Variants in GOLPH3 observed in about 807,000 individuals in gnomAD.
GOLPH3 encodes coat protein GPP34.
A neutral mutation model predicts 28.5 loss-of-function variants in GOLPH3; 14 were observed. The ratio of observed to expected loss-of-function variants is 0.49; its 90% CI spans 0.32 to 0.77. GOLPH3 has a LOEUF of 0.77. Among genes scored for constraint, GOLPH3 ranks in the 30% least tolerant of loss-of-function variants. GOLPH3 has a pLI of 0.03. For missense variants in GOLPH3, 350 were observed against 393.7 expected, an observed-to-expected ratio of 0.89 and a Z score of 0.94; for synonymous variants, 158 against 159.2, an observed-to-expected ratio of 0.99 and a Z score of 0.06.
At chr5:32,135,045 G>C (rs572622982) in intron 3 of GOLPH3, among the ~76,000 whole-genome samples, 43 of 152,314 alleles carry the variant, frequency 2.8e-4, no homozygotes, top group South Asian at 1.5e-3. Context: ...GAGATTGTGT[G>C]ATTTGCTCTG....
chr5:32,173,617 G>A (rs1186994714), intron 1 of GOLPH3, 193 bp downstream of exon 1: 2 of 391,316 alleles, frequency 5.1e-6, no homozygotes, highest in Non-Finnish European at 8.9e-6. Context: ...GATCCAGAAA[G>A]CACCAGCCGC....
chr5:32,129,714 G>A (rs1745781722), intron 3 of GOLPH3, among the ~76,000 whole-genome samples: 1 of 152,136 alleles, frequency 6.6e-6, no homozygotes, highest in South Asian at 2.1e-4. Context: ...AAATCCAGCA[G>A]GATTCACCAC....
At chr5:32,129,881 G>T (rs1347787108) in intron 3 of GOLPH3, among the ~76,000 whole-genome samples, 2 of 150,854 alleles carry the variant, frequency 1.3e-5, no homozygotes, top group African/African-American at 2.4e-5. Flanking sequence ...TCACTCTGTC[G>T]CCCAGGCTGG....
In GOLPH3 at chr5:32,126,638, T is replaced by TA. The variant is rs745449829; in HGVS notation, c.473-3dup. ...ATTTTAATGGATTCCATGTCTCACC[T>TA]AAACAAAAGATTTCAGAAGTTAGAA... On this transcript the variant is annotated splice_polypyrimidine_tract_variant and splice_region_variant and intron_variant, in intron 3 of 3. Transcript: ENST00000265070. The TA allele has an allele frequency of 1.2e-5, 20 of 1,603,726 alleles. No homozygotes were observed. In the African/African-American group the frequency reaches 1.9e-4, roughly 15 times the overall value.
chr5:32,131,607 C>A (rs1262194154), intron 3 of GOLPH3, among the ~76,000 whole-genome samples: 2 of 152,182 alleles, frequency 1.3e-5, no homozygotes, highest in African/African-American at 4.8e-5. Context: ...AATTATTCAC[C>A]ATATATGTGA....
chr5:32,161,259 C>T (rs911207145), intron 1 of GOLPH3, among the ~76,000 whole-genome samples: 6 of 150,246 alleles, frequency 4.0e-5, no homozygotes, highest in South Asian at 4.2e-4. Context: ...AAAAAGTAGC[C>T]AGGTATAGTG....
chr5:32,142,131 C>G (rs1325433951), intron 2 of GOLPH3, among the ~76,000 whole-genome samples: 2 of 151,156 alleles, frequency 1.3e-5, no homozygotes, highest in Non-Finnish European at 3.0e-5. Flanking sequence ...GCGTCTCTGC[C>G]CGGCCGCCAT....
intron 1 of GOLPH3, among the ~76,000 whole-genome samples, chr5:32,161,272 G>A (rs979257531): frequency 2.7e-5 from 4 of 149,982 alleles, no homozygotes; most frequent in South Asian, 4.2e-4. Flanking sequence ...GTATAGTGGC[G>A]CACGCCTGTA....
At chr5:32,131,912 T>C (rs1333209108) in intron 3 of GOLPH3, among the ~76,000 whole-genome samples, 1 of 152,208 alleles carries the variant, frequency 6.6e-6, no homozygotes, top group Non-Finnish European at 1.5e-5. Context: ...TGATCAACCA[T>C]GCCTTAAGAT....
intron 2 of GOLPH3, among the ~76,000 whole-genome samples, chr5:32,138,280 T>C (rs956309131): frequency 2.6e-5 from 4 of 152,146 alleles, no homozygotes; most frequent in African/African-American, 9.7e-5. Context: ...GTCAATCTTA[T>C]AAAAAATTAA....
At chr5:32,142,029 G>A (rs1214195398) in intron 2 of GOLPH3, among the ~76,000 whole-genome samples, 7 of 152,016 alleles carry the variant, frequency 4.6e-5, no homozygotes, top group South Asian at 2.1e-4. Flanking sequence ...CCGCCACCCC[G>A]TCTGGGAAGT....
chr5:32,127,040 T>C (rs979318028), intron 3 of GOLPH3, among the ~76,000 whole-genome samples: 7 of 152,204 alleles, frequency 4.6e-5, no homozygotes, highest in African/African-American at 1.7e-4. Flanking sequence ...CTGATTAATA[T>C]GTTATTCCTG....
chr5:32,169,018 A>G (rs370908494), intron 1 of GOLPH3, among the ~76,000 whole-genome samples: 13 of 152,112 alleles, frequency 8.5e-5, no homozygotes, highest in African/African-American at 3.1e-4. Flanking sequence ...TCATGCCTCT[A>G]ATACCTGCAC....
intron 2 of GOLPH3, among the ~76,000 whole-genome samples, chr5:32,141,734 T>C (rs1218491678): frequency 3.9e-5 from 6 of 152,170 alleles, no homozygotes; most frequent in Non-Finnish European, 8.8e-5. Context: ...GCCGAGTGCC[T>C]GCGATTGCAG....
intron 2 of GOLPH3, among the ~76,000 whole-genome samples, chr5:32,137,531 T>C (rs1175966004): frequency 2.0e-5 from 3 of 151,902 alleles, no homozygotes; most frequent in Non-Finnish European, 4.4e-5. Flanking sequence ...TGGTGGCGCA[T>C]GCCTGTAAAC....
In GOLPH3 at chr5:32,171,927, C is replaced by T. The variant is rs148613323; in HGVS notation, c.225+1883G>A. Among the ~76,000 whole-genome samples the T allele has an allele frequency of 3.3e-5, 5 of 150,906 alleles. No homozygotes were observed. The East Asian group carries it at 9.7e-4, about 29-fold the overall frequency. On this transcript the variant is annotated intron_variant, in intron 1 of 3. Coordinates refer to ENST00000265070, the MANE Select transcript of GOLPH3 (RefSeq NM_022130.4). ...GGCGCCACTGCACTCCAGGCCTGGG[C>T]GACAGAGCGAGATTCCGTCTAAAAA...
At chr5:32,141,583 C>T (rs1397292742) in intron 2 of GOLPH3, among the ~76,000 whole-genome samples, 1 of 29,972 alleles carries the variant, frequency 3.3e-5, no homozygotes, top group Non-Finnish European at 1.2e-4. Context: ...ATGACTCTCC[C>T]TCTCCCTCTC....
chr5:32,164,560 A>C (rs1380340880), intron 1 of GOLPH3, among the ~76,000 whole-genome samples: 1 of 151,676 alleles, frequency 6.6e-6, no homozygotes, highest in Admixed American at 6.6e-5. Flanking sequence ...CGCCAAGCTA[A>C]TTTCTTTGTA....
intron 2 of GOLPH3, among the ~76,000 whole-genome samples, chr5:32,136,393 A>T (rs1745932437): frequency 6.6e-6 from 1 of 150,406 alleles, no homozygotes; most frequent in African/African-American, 2.4e-5. Context: ...AGGCAGGAGA[A>T]TTGCTTGAAC....
Sources: allele counts gnomAD v4.1 joint callset (sites outside exome capture counted in the v4.1 genomes callset), GRCh38; gene constraint gnomAD v4.1.1; transcripts MANE v1.5; gene names NCBI Gene and HGNC (gene_info 2026-07-23, HGNC 2026-07-21).